Variants in ARSB observed in about 807,000 individuals in gnomAD.
The protein encoded by ARSB is arylsulfatase B, also known as N-acetylgalactosamine-4-sulfatase.
A neutral mutation model predicts 50.9 loss-of-function variants in ARSB; 41 were observed. The observed-to-expected ratio is 0.81, with a 90% confidence interval of 0.63 to 1.04. The LOEUF (loss-of-function observed/expected upper bound fraction) is 1.04, where lower values mean the gene tolerates loss of function less well. Ranked by LOEUF, ARSB falls within the 50% of genes least tolerant of loss-of-function variation. The pLI is 0.00. For synonymous variants in ARSB, 269 were observed against 284.8 expected (o/e 0.94, Z 0.56); for missense variants, 672 against 693.3 (o/e 0.97, Z 0.35).
chr5:78,868,139 C>A (rs1581067079), intron 5 of ARSB, among the ~76,000 whole-genome samples: 1 of 141,972 alleles, frequency 7.0e-6, no homozygotes, highest in South Asian at 2.4e-4. Context: ...ATGAGCAAAG[C>A]CTCCAAGAAA....
At chr5:78,956,178 T>C (rs1379874648) in intron 3 of ARSB, among the ~76,000 whole-genome samples, 1 of 152,146 alleles carries the variant, frequency 6.6e-6, no homozygotes, top group Non-Finnish European at 1.5e-5. Flanking sequence ...TTCAGCAACA[T>C]ATGGCAATAA....
intron 3 of ARSB, among the ~76,000 whole-genome samples, chr5:78,960,444 G>A (rs1751932142): frequency 6.6e-6 from 1 of 152,132 alleles, no homozygotes; most frequent in African/African-American, 2.4e-5. Context: ...TTTCCAAATT[G>A]TGTCACAGAA....
chr5:78,820,213 C>G (rs1374765280), intron 6 of ARSB, among the ~76,000 whole-genome samples: 1 of 152,120 alleles, frequency 6.6e-6, no homozygotes, highest in East Asian at 1.9e-4. Context: ...GACTTCCCAG[C>G]CTCCAGAACT....
In ARSB at chr5:78,929,251, G is replaced by A. The variant is rs373266110; in HGVS notation, c.898+26044C>T. Among the ~76,000 whole-genome samples the A allele has an allele frequency of 1.2e-4, 18 of 152,252 alleles. No individual in the cohort carries two copies. In the East Asian group the frequency reaches 1.5e-3, roughly 13 times the overall value. ...ATTGTGCTAGACTAGTGCCTGACAT[G>A]TTTTTGGTCCCTCCTTCACAATTCA... On this transcript the variant is annotated intron_variant, in intron 4 of 7. Coordinates refer to ENST00000264914, the MANE Select transcript of ARSB (RefSeq NM_000046.5).
intron 6 of ARSB, among the ~76,000 whole-genome samples, chr5:78,828,486 A>C (rs1744533740): frequency 6.6e-6 from 1 of 152,016 alleles, no homozygotes; most frequent in South Asian, 2.1e-4. Flanking sequence ...GAACTCTTTG[A>C]GGTTCAGTGG....
chr5:78,816,959 G>T, intron 6 of ARSB: 3 of 465,248 alleles, frequency 6.4e-6, no homozygotes, highest in Non-Finnish European at 8.5e-6. Flanking sequence ...ACCCAGTTGA[G>T]CCTGCCCAGC....
chr5:78,939,607 T>A (rs1212044868), intron 4 of ARSB, among the ~76,000 whole-genome samples: 1 of 152,226 alleles, frequency 6.6e-6, no homozygotes, highest in African/African-American at 2.4e-5. Context: ...ATAAAGGACA[T>A]GAACTCATCA....
intron 6 of ARSB, among the ~76,000 whole-genome samples, chr5:78,807,010 G>A (rs1364056748): frequency 1.3e-5 from 2 of 152,200 alleles, no homozygotes; most frequent in African/African-American, 4.8e-5. Flanking sequence ...GGTCTGCACT[G>A]GCAGAAAGCT....
chr5:78,808,092 C>CAAAA (rs36099030), intron 6 of ARSB, among the ~76,000 whole-genome samples: 4 of 57,754 alleles, frequency 6.9e-5, no homozygotes, highest in Non-Finnish European at 1.2e-4. Context: ...GACTCCGTCT[C>CAAAA]AAAAAAAAAA....
intron 5 of ARSB, among the ~76,000 whole-genome samples, chr5:78,846,231 A>G (rs1745436007): frequency 6.6e-6 from 1 of 152,084 alleles, no homozygotes; most frequent in Admixed American, 6.6e-5. Context: ...ATTTTGTTCC[A>G]TTGGTATATG....
intron 5 of ARSB, among the ~76,000 whole-genome samples, chr5:78,871,319 C>A (rs965791075): frequency 2.0e-4 from 31 of 152,126 alleles, no homozygotes; most frequent in Admixed American, 1.5e-3. Context: ...AAACTACTTT[C>A]AAGTTCATAT....
intron 5 of ARSB, among the ~76,000 whole-genome samples, chr5:78,864,710 A>G (rs983248681): frequency 6.6e-6 from 1 of 152,256 alleles, no homozygotes; most frequent in African/African-American, 2.4e-5. Context: ...CCTTATGCCT[A>G]TGAGCCTGTA....
At chr5:78,873,917 T>A (rs975135392) in intron 5 of ARSB, among the ~76,000 whole-genome samples, 26 of 152,162 alleles carry the variant, frequency 1.7e-4, no homozygotes, top group Admixed American at 1.5e-3. Flanking sequence ...TCTGGAAAAA[T>A]TCTTAGATTT....
intron 5 of ARSB, among the ~76,000 whole-genome samples, chr5:78,858,999 T>A (rs574150519): frequency 6.6e-6 from 1 of 152,218 alleles, no homozygotes; most frequent in Non-Finnish European, 1.5e-5. Flanking sequence ...AAGTAATTAA[T>A]GGAGGAGACA....
At chr5:78,816,287 AG>A (rs534285412) in intron 6 of ARSB, among the ~76,000 whole-genome samples, 2 of 152,330 alleles carry the variant, frequency 1.3e-5, no homozygotes, top group Admixed American at 1.3e-4. Flanking sequence ...GGCCTAGAAA[AG>A]AAGGTGCTCA....
intron 3 of ARSB, among the ~76,000 whole-genome samples, chr5:78,959,483 G>T (rs371537841): frequency 1.3e-5 from 2 of 152,056 alleles, no homozygotes; most frequent in African/African-American, 4.8e-5. Flanking sequence ...CCATTCTTTG[G>T]AATCTGTGCT....
At chr5:78,850,878 T>G (rs891620553) in intron 5 of ARSB, among the ~76,000 whole-genome samples, 27 of 152,228 alleles carry the variant, frequency 1.8e-4, no homozygotes, top group Non-Finnish European at 3.7e-4. Flanking sequence ...TGATGGTAGT[T>G]TGTATTTCTG....
chr5:78,809,480 TAA>T (rs1264527702), intron 6 of ARSB, among the ~76,000 whole-genome samples: 6 of 152,318 alleles, frequency 3.9e-5, no homozygotes, highest in Non-Finnish European at 8.8e-5. Flanking sequence ...CGTGGAGAGC[TAA>T]AAAGAGTGAG....
chr5:78,862,967 AAAG>A (rs1193732342), intron 5 of ARSB, among the ~76,000 whole-genome samples: 1 of 152,252 alleles, frequency 6.6e-6, no homozygotes, highest in Non-Finnish European at 1.5e-5. Flanking sequence ...ACACTTCTCA[AAAG>A]AAGACATTTA....
Sources: gnomAD v4.1 joint callset for allele counts (sites outside exome capture counted in the v4.1 genomes callset) on GRCh38, gnomAD v4.1.1 for gene constraint, MANE v1.5 for transcripts, NCBI Gene and HGNC (gene_info 2026-07-23, HGNC 2026-07-21) for gene names.